The following OCIAD1 variants were observed in gnomAD, a reference collection of about 807,000 sequenced individuals.
The protein encoded by OCIAD1 is OCIA domain containing 1.
In OCIAD1, 29 loss-of-function variants were observed where a neutral mutation model predicts 38.9. The observed-to-expected ratio is 0.74, with a 90% CI of 0.55 to 1.02. OCIAD1 has a LOEUF of 1.02. Among genes scored for constraint, OCIAD1 ranks in the 50% least tolerant of loss-of-function variants. OCIAD1 has a pLI of 0.00. For synonymous variants in OCIAD1, 110 were observed against 92.0 expected (o/e 1.20, Z -1.12); for missense variants, 288 against 289.6 (o/e 0.99, Z 0.04).
chr4:48,832,175 T>G (rs929488217), intron 1 of OCIAD1, among the ~76,000 whole-genome samples: 13 of 152,214 alleles, frequency 8.5e-5, no homozygotes, highest in African/African-American at 3.1e-4. Context: ...TTTCTGATGA[T>G]TATTTCATTT....
chr4:48,822,923 C>T lies in OCIAD1; in HGVS notation c.-102-7654C>T, dbSNP rs181358628. 5.3e-3 allele frequency among the ~76,000 whole-genome samples: 812 copies of T among 152,224 alleles called. 5 individuals are homozygous for T. Among genetic ancestry groups the T allele is most frequent in the African/African-American group, 0.018 (736 of 41,532 alleles). ...TGGTGAGGCTGTGGAGAAATCGGAACGCTTTTACACTGTTGGTGGGAGTGT... is the reference window on the plus strand; with the variant it reads ...TGGTGAGGCTGTGGAGAAATCGGAATGCTTTTACACTGTTGGTGGGAGTGT... On this transcript the variant is annotated intron_variant, in intron 1 of 6. Coordinates refer to the OCIAD1 transcript ENST00000504654.
chr4:48,820,260 C>T (rs1407004594), intron 1 of OCIAD1, among the ~76,000 whole-genome samples: 1 of 152,152 alleles, frequency 6.6e-6, no homozygotes, highest in African/African-American at 2.4e-5. Flanking sequence ...CTCAAATCCG[C>T]ACAACTACAT....
In OCIAD1 at chr4:48,857,218, G is replaced by T; in HGVS notation, c.553G>T (p.Asp185Tyr). ...GITDHIVQGP[D>Y]PNLEESPKRK... ...TTAACTGTTTGTTGTTTTAGGACCT[G>T]ATCCCAACCTTGAAGAAAGTCCTAA... Residue 185 changes from aspartate (D) to tyrosine (Y), a missense_variant, in exon 8 of 9, where the codon GAT (aspartate) becomes TAT (tyrosine). Transcript: ENST00000264312. The T allele has an allele frequency of 6.5e-7, 1 of 1,536,374 alleles. No individual in the cohort carries two copies. Among genetic ancestry groups the T allele is most frequent in the South Asian group, 1.3e-5 (1 of 77,186 alleles).
chr4:48,844,122 A>G (rs976729960), intron 4 of OCIAD1, among the ~76,000 whole-genome samples: 1 of 152,174 alleles, frequency 6.6e-6, no homozygotes, highest in African/African-American at 2.4e-5. Flanking sequence ...AATGAGAAGA[A>G]AGAACATACC....
intron 6 of OCIAD1, among the ~76,000 whole-genome samples, chr4:48,851,035 G>A (rs1436510619): frequency 1.3e-5 from 2 of 152,150 alleles, no homozygotes; most frequent in Non-Finnish European, 2.9e-5. Flanking sequence ...ACAGATTTCA[G>A]CTTTTCATTT....
chr4:48,832,285 A>G (rs1777577151), intron 1 of OCIAD1, among the ~76,000 whole-genome samples: 1 of 152,256 alleles, frequency 6.6e-6, no homozygotes, highest in Non-Finnish European at 1.5e-5. Flanking sequence ...CGACCAAAAC[A>G]TAGGATGTGA....
rs1193890419 is a variant in OCIAD1, at chr4:48,819,732, AAAAAAAAAAAAAG to A, written c.-102-10844_-102-10832del. Among the ~76,000 whole-genome samples the A allele has an allele frequency of 6.2e-5, 9 of 144,768 alleles. 1 individual carries two copies. The highest frequency in any genetic ancestry group is 2.0e-4 in the African/African-American group (8 of 39,734). The allele number at this position is 144,768 out of a possible 152,430, so 95.0% of individuals were successfully genotyped here. A position where few individuals can be genotyped will look rare whatever the true frequency, so the allele number is the denominator to read the frequency against. ...TACCAAGCGCAAAAAAAAAAAAAAA[AAAAAAAAAAAAAG>A]GAGGGGTTGCAATCCCAGTCTCTGA... is the stretch of plus-strand genomic sequence containing the variant. On this transcript the variant is annotated intron_variant, in intron 1 of 6. Coordinates refer to the OCIAD1 transcript ENST00000504654.
upstream of OCIAD1, among the ~76,000 whole-genome samples, chr4:48,827,453 T>A (rs565272453): frequency 6.6e-6 from 1 of 152,342 alleles, no homozygotes; most frequent in Non-Finnish European, 1.5e-5. Flanking sequence ...AACACATTAG[T>A]CTGAGTTGGC....
intron 1 of OCIAD1, among the ~76,000 whole-genome samples, chr4:48,809,949 T>C (rs2109486401): frequency 6.6e-6 from 1 of 152,312 alleles, no homozygotes; most frequent in South Asian, 2.1e-4. Flanking sequence ...TGAATCCTAG[T>C]ATCACTGGTT....
chr4:48,834,640 AC>A (rs1443334328), intron 3 of OCIAD1, among the ~76,000 whole-genome samples: 5 of 152,106 alleles, frequency 3.3e-5, no homozygotes, highest in African/African-American at 4.8e-5. Flanking sequence ...GTGTGGTGAT[AC>A]GTAGCTGTAA....
intron 1 of OCIAD1, among the ~76,000 whole-genome samples, chr4:48,816,697 A>G (rs1777147230): frequency 6.6e-6 from 1 of 152,184 alleles, no homozygotes; most frequent in Admixed American, 6.5e-5. Flanking sequence ...GTGGCAGGGC[A>G]CCGTGGCTCA....
intron 1 of OCIAD1, among the ~76,000 whole-genome samples, chr4:48,821,586 G>C (rs908811166): frequency 6.6e-6 from 1 of 152,132 alleles, no homozygotes; most frequent in African/African-American, 2.4e-5. Flanking sequence ...ATTTAAATAG[G>C]AAAAGAGGAA....
chr4:48,842,150 T>C (rs1389351705), intron 3 of OCIAD1, among the ~76,000 whole-genome samples: 1 of 152,198 alleles, frequency 6.6e-6, no homozygotes, highest in Non-Finnish European at 1.5e-5. Context: ...AGGGTGGTAA[T>C]AACATTATCT....
intron 1 of OCIAD1, among the ~76,000 whole-genome samples, chr4:48,819,743 AAGG>A (rs1777174788): frequency 6.8e-6 from 1 of 146,638 alleles, no homozygotes; most frequent in Admixed American, 6.8e-5. Flanking sequence ...AAAAAAAAAA[AAGG>A]AGGGGTTGCA....
At chr4:48,817,584 T>A (rs1777155600) in intron 1 of OCIAD1, among the ~76,000 whole-genome samples, 1 of 152,198 alleles carries the variant, frequency 6.6e-6, no homozygotes, top group Non-Finnish European at 1.5e-5. Context: ...CAGAATTGTT[T>A]ACTCCCCTGG....
intron 1 of OCIAD1, among the ~76,000 whole-genome samples, chr4:48,821,890 C>G (rs777079658): frequency 6.6e-6 from 1 of 151,876 alleles, no homozygotes; most frequent in Non-Finnish European, 1.5e-5. Context: ...CAAGGAAATA[C>G]GAGAGGACAC....
intron 8 of OCIAD1, among the ~76,000 whole-genome samples, chr4:48,860,514 CTATT>C (rs1393229651): frequency 2.0e-5 from 3 of 152,110 alleles, no homozygotes; most frequent in East Asian, 3.9e-4. Flanking sequence ...TGAGGACTAA[CTATT>C]TATGTAAAAT....
chr4:48,808,791 A>C (rs1436911454), intron 1 of OCIAD1, among the ~76,000 whole-genome samples: 1 of 152,214 alleles, frequency 6.6e-6, no homozygotes. Flanking sequence ...AAAGAAACTA[A>C]GACAATTGTA....
In OCIAD1 at chr4:48,857,323, C is replaced by G; in HGVS notation, c.658C>G (p.Pro220Ala). 4 of 1,592,382 alleles carry G rather than the reference C, an allele frequency of 2.5e-6. No individual in the cohort carries two copies. Among genetic ancestry groups the G allele is most frequent in the Non-Finnish European group, 3.4e-6 (4 of 1,168,742 alleles). The change falls in exon 8 of 9, where the codon CCC (proline) becomes GCC (alanine). Residue 220 changes from proline (P) to alanine (A), a missense_variant. Coordinates refer to ENST00000264312, the MANE Select transcript of OCIAD1 (RefSeq NM_017830.4). Reference sequence around the variant, plus strand: ...AGTATCTTTAACACAAAAGACTGACCCCTCAGTCAGGCCTATGCATGAAAG... The same window carrying G: ...AGTATCTTTAACACAAAAGACTGACGCCTCAGTCAGGCCTATGCATGAAAG... ...YEVSLTQKTD[P>A]SVRPMHERVP...
Sources: allele counts gnomAD v4.1 joint callset (sites outside exome capture counted in the v4.1 genomes callset), GRCh38; gene constraint gnomAD v4.1.1; transcripts MANE v1.5; gene names NCBI Gene and HGNC (gene_info 2026-07-23, HGNC 2026-07-21).